ACOXL: variants seen among roughly 807,000 people sequenced by gnomAD.
The protein encoded by ACOXL is acyl-CoA oxidase like.
A neutral mutation model predicts 71.9 loss-of-function variants in ACOXL; 70 were observed. That is an observed-to-expected ratio of 0.97 (90% CI 0.80 to 1.19). The LOEUF is 1.19. Among genes scored for constraint, ACOXL ranks in the 50% most tolerant of loss-of-function variants. The pLI is 0.00. For synonymous variants in ACOXL, 253 were observed against 281.6 expected, an observed-to-expected ratio of 0.90 and a Z score of 1.02; for missense variants, 703 against 736.3, an observed-to-expected ratio of 0.95 and a Z score of 0.52.
intron 1 of ACOXL, among the ~76,000 whole-genome samples, chr2:110,760,906 G>A (rs954321706): frequency 3.3e-5 from 5 of 152,152 alleles, no homozygotes; most frequent in Non-Finnish European, 7.4e-5. Flanking sequence ...CATTGGCTAG[G>A]TCCAGATTTA....
chr2:110,822,765 T>G (rs988724146), intron 9 of ACOXL, among the ~76,000 whole-genome samples: 3 of 152,200 alleles, frequency 2.0e-5, no homozygotes, highest in Admixed American at 2.0e-4. Context: ...TAAAGTATCA[T>G]AGAGAGTAGC....
intron 14 of ACOXL, among the ~76,000 whole-genome samples, chr2:111,001,731 A>G (rs1016146566): frequency 6.6e-6 from 1 of 152,222 alleles, no homozygotes; most frequent in African/African-American, 2.4e-5. Flanking sequence ...CAGCCTTCAA[A>G]GGGAGAGGAT....
intron 9 of ACOXL, among the ~76,000 whole-genome samples, chr2:110,838,657 G>C (rs1690754100): frequency 1.3e-5 from 2 of 152,196 alleles, no homozygotes; most frequent in South Asian, 4.1e-4. Flanking sequence ...TCATTGGTCT[G>C]TTCCAACCTG....
chr2:110,857,045 G>A (rs1019311730), intron 10 of ACOXL, among the ~76,000 whole-genome samples: 1 of 152,196 alleles, frequency 6.6e-6, no homozygotes, highest in Non-Finnish European at 1.5e-5. Context: ...TTTTAGATAG[G>A]AAGTGGATTG....
intron 11 of ACOXL, among the ~76,000 whole-genome samples, chr2:110,921,498 A>T (rs2060074807): frequency 6.8e-6 from 1 of 147,362 alleles, no homozygotes; most frequent in African/African-American, 2.5e-5. Flanking sequence ...GGTTCACAAC[A>T]TTCTCCTGCC....
intron 13 of ACOXL, among the ~76,000 whole-genome samples, chr2:110,994,545 A>G (rs1387094736): frequency 6.6e-6 from 1 of 152,114 alleles, no homozygotes; most frequent in Non-Finnish European, 1.5e-5. Context: ...TGGCTGTGCT[A>G]TGGGAAACCC....
intron 9 of ACOXL, among the ~76,000 whole-genome samples, chr2:110,835,565 C>A (rs1690350191): frequency 6.6e-6 from 1 of 152,190 alleles, no homozygotes; most frequent in African/African-American, 2.4e-5. Flanking sequence ...GAGGCCTCAT[C>A]TCCTCCAGAC....
At chr2:110,758,293 A>C (rs1404837765) in intron 1 of ACOXL, among the ~76,000 whole-genome samples, 2 of 152,158 alleles carry the variant, frequency 1.3e-5, no homozygotes, top group African/African-American at 2.4e-5. Flanking sequence ...TAGTTACTAT[A>C]GCCTTGTAGT....
chr2:111,069,105 C>G (rs570656973), intron 16 of ACOXL, among the ~76,000 whole-genome samples: 59 of 150,478 alleles, frequency 3.9e-4, no homozygotes, highest in African/African-American at 1.4e-3. Context: ...GGCCTTTTCT[C>G]TGTGCATGCA....
At chr2:110,855,830 C>A (rs939633070) in intron 10 of ACOXL, among the ~76,000 whole-genome samples, 1 of 152,082 alleles carries the variant, frequency 6.6e-6, no homozygotes, top group African/African-American at 2.4e-5. Flanking sequence ...TGGCTTGGAC[C>A]CAAAGAGTGA....
At chr2:111,095,391 CTTTT>C (rs780172456) in intron 17 of ACOXL, among the ~76,000 whole-genome samples, 3 of 116,590 alleles carry the variant, frequency 2.6e-5, no homozygotes, top group Admixed American at 1.0e-4. Flanking sequence ...TTTTCTTTTT[CTTTT>C]TTTTTTTTTT....
At chr2:110,783,274 A>G (rs138160290) in intron 2 of ACOXL, among the ~76,000 whole-genome samples, 2 of 152,314 alleles carry the variant, frequency 1.3e-5, no homozygotes, top group Non-Finnish European at 2.9e-5. Flanking sequence ...AGAGTCTGCA[A>G]CTATCTGCTT....
chr2:110,748,913 A>G (rs1678577721), intron 1 of ACOXL, among the ~76,000 whole-genome samples: 1 of 152,226 alleles, frequency 6.6e-6, no homozygotes, highest in South Asian at 2.1e-4. Flanking sequence ...GCTGTAGGGA[A>G]TTATCACAGG....
intron 16 of ACOXL, among the ~76,000 whole-genome samples, chr2:111,057,857 A>ATAAGTATC (rs2066622942): frequency 6.6e-6 from 1 of 152,260 alleles, no homozygotes; most frequent in African/African-American, 2.4e-5. Context: ...AAGCATCTAA[A>ATAAGTATC]TAAGTATCTA....
In ACOXL at chr2:111,031,364, C is replaced by T. The variant is rs116038983; in HGVS notation, c.1282-263C>T. 1.7e-3 allele frequency among the ~76,000 whole-genome samples: 262 copies of T among 152,272 alleles called. 1 individual carries two copies. Among genetic ancestry groups the T allele is most frequent in the African/African-American group, 6.0e-3 (251 of 41,566 alleles). On this transcript the variant is annotated intron_variant, in intron 14 of 17. Coordinates refer to ENST00000439055, the MANE Select transcript of ACOXL (RefSeq NM_001142807.4). ...CACTTGATCTGTGCCTGCATTCTCC[C>T]CTTCACGTGTTTCTCTAACGTCTGT...
At chr2:110,881,901 T>A (rs552647974) in intron 10 of ACOXL, among the ~76,000 whole-genome samples, 5 of 152,146 alleles carry the variant, frequency 3.3e-5, no homozygotes, top group African/African-American at 4.8e-5. Context: ...GTTTTTTTTT[T>A]ATTGGGGAGC....
chr2:110,910,032 G>A (rs962158913), intron 11 of ACOXL, among the ~76,000 whole-genome samples: 2 of 152,050 alleles, frequency 1.3e-5, no homozygotes, highest in Non-Finnish European at 2.9e-5. Context: ...TTAGTTTTTA[G>A]TGGAGTGAGT....
At chr2:110,898,829 T>C (rs2059118958) in intron 10 of ACOXL, among the ~76,000 whole-genome samples, 1 of 152,184 alleles carries the variant, frequency 6.6e-6, no homozygotes, top group African/African-American at 2.4e-5. Flanking sequence ...TGCTTATTTA[T>C]GTAGAAAACC....
intron 9 of ACOXL, among the ~76,000 whole-genome samples, chr2:110,809,063 C>T (rs1412472888): frequency 6.6e-6 from 1 of 152,216 alleles, no homozygotes; most frequent in Non-Finnish European, 1.5e-5. Context: ...CATGTTGGTT[C>T]TTGTGCTCCC....
Sources: gnomAD v4.1 joint callset for allele counts (sites outside exome capture counted in the v4.1 genomes callset) on GRCh38, gnomAD v4.1.1 for gene constraint, MANE v1.5 for transcripts, NCBI Gene and HGNC (gene_info 2026-07-23, HGNC 2026-07-21) for gene names.